The following ATL2 variants were observed in gnomAD, a reference collection of about 807,000 sequenced individuals.
ATL2 encodes atlastin GTPase 2, also known as atlastin-2.
Under a neutral mutation model 73.9 loss-of-function variants are expected in ATL2, and 31 were observed. That is an observed-to-expected ratio of 0.42 (90% confidence interval 0.32 to 0.57). ATL2 has a LOEUF of 0.57. Ranked by LOEUF, ATL2 falls within the 20% of genes least tolerant of loss-of-function variation. The pLI, the probability that ATL2 is intolerant of heterozygous loss-of-function variation, is 0.14. For synonymous variants in ATL2, 291 were observed against 237.5 expected (o/e 1.23, Z -2.07); for missense variants, 738 against 702.6 (o/e 1.05, Z -0.57).
At chr2:38,364,195 G>C (rs927245958) in intron 1 of ATL2, among the ~76,000 whole-genome samples, 4 of 152,166 alleles carry the variant, frequency 2.6e-5, no homozygotes, top group African/African-American at 9.7e-5. Context: ...CCGGGAGGCA[G>C]AGGTTGCAGT....
intron 2 of ATL2, among the ~76,000 whole-genome samples, chr2:38,342,518 G>A (rs1209415938): frequency 6.6e-6 from 1 of 151,954 alleles, no homozygotes; most frequent in Non-Finnish European, 1.5e-5. Flanking sequence ...CATATGAAGG[G>A]CAAGAGATGA....
chr2:38,346,561 T>G (rs1670026563), intron 1 of ATL2, among the ~76,000 whole-genome samples: 1 of 152,190 alleles, frequency 6.6e-6, no homozygotes, highest in African/African-American at 2.4e-5. Flanking sequence ...GGGGGAGCAG[T>G]GGTTTCAGGA....
rs1425899913 is a variant in ATL2 at position 38,296,111 on chromosome 2, T to C, written c.1635A>G (p.Val545=). Residue 545 remains valine (V), a splice_region_variant and synonymous_variant, in exon 13 of 13, where the codon GTA becomes GTG. Coordinates refer to ENST00000378954, the MANE Select transcript of ATL2 (RefSeq NM_001135673.4). ...TCAAATTATCACCCAGGGGCTTCAA[T>C]ACCTGTGGTATGAGAAATGTGCAAA... ...DQIAETLWEQ[V]LKPLGDNLME... 2 of 1,548,988 alleles carry C rather than the reference T, an allele frequency of 1.3e-6. No individual in the cohort carries two copies. Among genetic ancestry groups the C allele is most frequent in the East Asian group, 2.4e-5 (1 of 40,900 alleles).
rs187518834 is a variant in ATL2 at position 38,364,671 on chromosome 2, C to A, written c.118+12472G>T. Among the ~76,000 whole-genome samples, 39 of 152,290 alleles carry A rather than the reference C, an allele frequency of 2.6e-4. No homozygotes were observed. In the East Asian group the frequency reaches 7.1e-3, roughly 28 times the overall value. On this transcript the variant is annotated intron_variant, in intron 1 of 12. Coordinates refer to ENST00000378954, the MANE Select transcript of ATL2 (RefSeq NM_001135673.4). Reference sequence around the variant, plus strand: ...AAGAGCTCCAAGATTTTGTAGCACACGGATCAAGAATTAATCGAAAACACA... The same window carrying A: ...AAGAGCTCCAAGATTTTGTAGCACAAGGATCAAGAATTAATCGAAAACACA...
intron 2 of ATL2, among the ~76,000 whole-genome samples, chr2:38,331,437 G>GAAA (rs34238912): frequency 6.2e-5 from 5 of 80,310 alleles, no homozygotes; most frequent in Non-Finnish European, 7.3e-5. Context: ...TCTGTCTCAA[G>GAAA]AAAAAAAAAA....
chr2:38,323,139 A>C (rs1013012825), intron 2 of ATL2, among the ~76,000 whole-genome samples: 2 of 152,200 alleles, frequency 1.3e-5, no homozygotes, highest in African/African-American at 2.4e-5. Flanking sequence ...TGCTGATAAC[A>C]GACCCTATTT....
At chr2:38,375,922 G>A (rs1168920423) in intron 1 of ATL2, among the ~76,000 whole-genome samples, 1 of 152,020 alleles carries the variant, frequency 6.6e-6, no homozygotes, top group African/African-American at 2.4e-5. Context: ...TCTGACATGC[G>A]CCAAGAACTA....
At chr2:38,371,613 C>T (rs1279156047) in intron 1 of ATL2, among the ~76,000 whole-genome samples, 4 of 151,930 alleles carry the variant, frequency 2.6e-5, no homozygotes, top group South Asian at 2.1e-4. Flanking sequence ...CATTACAGAC[C>T]CAGGCAGGGT....
chr2:38,328,192 A>G (rs1668776374), intron 2 of ATL2, among the ~76,000 whole-genome samples: 1 of 152,148 alleles, frequency 6.6e-6, no homozygotes, highest in African/African-American at 2.4e-5. Context: ...ATGTGAAGCA[A>G]AAATTGAACT....
At chr2:38,347,510 T>C (rs753240566) in intron 1 of ATL2, among the ~76,000 whole-genome samples, 6 of 152,186 alleles carry the variant, frequency 3.9e-5, no homozygotes, top group Non-Finnish European at 7.3e-5. Context: ...TCCTTAACAC[T>C]TTAATGAAAC....
chr2:38,375,116 A>G (rs1387230468), intron 1 of ATL2, among the ~76,000 whole-genome samples: 4 of 152,230 alleles, frequency 2.6e-5, no homozygotes, highest in Non-Finnish European at 4.4e-5. Flanking sequence ...AAAAGAATAA[A>G]CACAAAGCCT....
chr2:38,345,738 CAG>C (rs1463164980), intron 1 of ATL2, among the ~76,000 whole-genome samples: 1 of 152,170 alleles, frequency 6.6e-6, no homozygotes, highest in East Asian at 1.9e-4. Context: ...AATAACAAAA[CAG>C]GATGCAAACG....
intron 1 of ATL2, among the ~76,000 whole-genome samples, chr2:38,371,625 C>T (rs1671694530): frequency 6.6e-6 from 1 of 151,978 alleles, no homozygotes; most frequent in Admixed American, 6.5e-5. Context: ...AGGCAGGGTG[C>T]GGTGGCTCAT....
At chr2:38,377,700 G>T (rs1288562491), upstream of ATL2, among the ~76,000 whole-genome samples, 2 of 152,158 alleles carry the variant, frequency 1.3e-5, no homozygotes, top group Admixed American at 1.3e-4. Context: ...TCCTGCACGT[G>T]AGGTGGCTTT....
intron 2 of ATL2, among the ~76,000 whole-genome samples, chr2:38,340,183 G>GA (rs1436381330): frequency 1.0e-5 from 1 of 98,550 alleles, no homozygotes; most frequent in Admixed American, 1.0e-4. Context: ...GGGGGGGGGG[G>GA]GGGGTAGACA....
intron 4 of ATL2, among the ~76,000 whole-genome samples, chr2:38,316,968 T>C (rs150775910): frequency 6.6e-6 from 1 of 152,062 alleles, no homozygotes; most frequent in African/African-American, 2.4e-5. Flanking sequence ...CAGCGTCACT[T>C]AGTGGGTAAT....
intron 2 of ATL2, among the ~76,000 whole-genome samples, chr2:38,338,846 C>G (rs185049873): frequency 5.5e-4 from 83 of 152,284 alleles, no homozygotes; most frequent in African/African-American, 1.8e-3. Context: ...AAAATCCCAT[C>G]ACCCCAGTCT....
intron 2 of ATL2, among the ~76,000 whole-genome samples, chr2:38,323,349 G>GT (rs1229668962): frequency 0.26 from 19,845 of 75,234 alleles, 6,314 homozygotes; most frequent in Non-Finnish European, 0.32. Flanking sequence ...ATCACCAGAA[G>GT]TTTTTTTTTT....
At chr2:38,329,423 CAAAAAAAAAAAAAAAAAAAAA>C (rs70954711) in intron 2 of ATL2, among the ~76,000 whole-genome samples, 1 of 13,650 alleles carries the variant, frequency 7.3e-5, no homozygotes, top group Non-Finnish European at 1.6e-4. Flanking sequence ...ACTCCATCTC[CAAAAAAAAAAAAAAAAAAAAA>C]AAAAAAAGAT....
Sources: allele counts gnomAD v4.1 joint callset (sites outside exome capture counted in the v4.1 genomes callset), GRCh38; gene constraint gnomAD v4.1.1; transcripts MANE v1.5; gene names NCBI Gene and HGNC (gene_info 2026-07-23, HGNC 2026-07-21).